Variants in ARHGAP31 observed in about 807,000 individuals in gnomAD.
ARHGAP31 encodes rho GTPase-activating protein 31.
In ARHGAP31, 34 loss-of-function variants were observed where a neutral mutation model predicts 113.9. That is an observed-to-expected ratio of 0.30 (90% CI 0.23 to 0.40). ARHGAP31 has a LOEUF of 0.40. Among genes scored for constraint, ARHGAP31 ranks in the 10% least tolerant of loss-of-function variants. The pLI is 1.00. For synonymous variants in ARHGAP31, 650 were observed against 684.8 expected (o/e 0.95, Z 0.79); for missense variants, 1,548 against 1,767.1 (o/e 0.88, Z 2.22).
chr3:119,409,677 G>C lies in ARHGAP31; in HGVS notation c.1827G>C (p.Glu609Asp), dbSNP rs752838958. ...LNELEKRPNP[E>D]KVVEEGREAG... The stretch of plus-strand genomic sequence containing the variant: ...AATTAGAGAAGAGGCCAAATCCGGA[G>C]AAGGTGGTGGAGGAGGGACGAGAGG... Residue 609 changes from glutamate to aspartate, a missense_variant, in exon 11 of 12, where the codon GAG becomes GAC. By Grantham distance (45) the Glu-to-Asp change is conservative. Coordinates refer to ENST00000264245, the MANE Select transcript of ARHGAP31 (RefSeq NM_020754.4). 6 of 1,611,646 alleles carry C rather than the reference G, an allele frequency of 3.7e-6. No homozygotes were observed. The highest frequency in any genetic ancestry group is 3.3e-5 in the South Asian group (3 of 90,646).
chr3:119,354,612 A>G (rs1432343380), intron 1 of ARHGAP31, among the ~76,000 whole-genome samples: 9 of 151,240 alleles, frequency 6.0e-5, no homozygotes, highest in African/African-American at 1.9e-4. Flanking sequence ...CCTGGGTTCA[A>G]GTGATTCTCC....
At chr3:119,383,343 G>A (rs533027977) in intron 6 of ARHGAP31, 117 bp downstream of exon 6, 693 of 1,299,870 alleles carry the variant, frequency 5.3e-4, no homozygotes, top group Non-Finnish European at 6.7e-4. Flanking sequence ...TTGGCTGTGT[G>A]TATGCTGACT....
Position 119,415,476 on chromosome 3 carries a change from G to C in ARHGAP31, c.3547G>C (p.Val1183Leu). Residue 1183 changes from valine (V) to leucine (L), a missense_variant, in exon 12 of 12, where the codon GTG becomes CTG. Physicochemically the swap from Val to Leu is conservative, Grantham distance 32. Transcript: ENST00000264245. The part of the protein sequence containing the change: ...TGRRNSAPVS[V>L]SAVRTSFMVK... ...CCGCCGTAACTCAGCTCCTGTGAGT[G>C]TGTCAGCTGTGAGAACCTCCTTCAT... 1 of 1,614,096 alleles carries C rather than the reference G, an allele frequency of 6.2e-7. No homozygotes were observed.
chr3:119,395,603 T>G (rs903038652), intron 8 of ARHGAP31, among the ~76,000 whole-genome samples: 8 of 152,158 alleles, frequency 5.3e-5, no homozygotes, highest in African/African-American at 9.7e-5. Flanking sequence ...CAGGGACCCT[T>G]CTTTTCCAGA....
chr3:119,333,716 G>A (rs1241327378), intron 1 of ARHGAP31, among the ~76,000 whole-genome samples: 3 of 152,168 alleles, frequency 2.0e-5, no homozygotes, highest in Non-Finnish European at 4.4e-5. Flanking sequence ...GGAAGAGGCA[G>A]AACAGAAGCA....
chr3:119,378,333 G>T (rs1055345786), intron 3 of ARHGAP31, among the ~76,000 whole-genome samples: 1 of 152,108 alleles, frequency 6.6e-6, no homozygotes, highest in African/African-American at 2.4e-5. Context: ...AATTTAGAAA[G>T]CTTCTGGAGA....
intron 6 of ARHGAP31, among the ~76,000 whole-genome samples, chr3:119,384,105 T>A (rs1308674261): frequency 6.6e-6 from 1 of 152,226 alleles, no homozygotes; most frequent in Non-Finnish European, 1.5e-5. Flanking sequence ...AATATATTTT[T>A]TAGCTGATCA....
intron 6 of ARHGAP31, among the ~76,000 whole-genome samples, chr3:119,388,413 T>G (rs186176383): frequency 6.6e-6 from 1 of 151,784 alleles, no homozygotes; most frequent in East Asian, 1.9e-4. Context: ...AATATCCTTT[T>G]AGGTCATGCG....
intron 1 of ARHGAP31, among the ~76,000 whole-genome samples, chr3:119,346,550 C>T (rs2080058586): frequency 6.6e-6 from 1 of 152,208 alleles, no homozygotes; most frequent in Admixed American, 6.5e-5. Context: ...TGGGCAGTGT[C>T]TTATAAGTAT....
intron 9 of ARHGAP31, among the ~76,000 whole-genome samples, chr3:119,401,493 C>T (rs1340474747): frequency 6.6e-6 from 1 of 152,176 alleles, no homozygotes; most frequent in African/African-American, 2.4e-5. Flanking sequence ...TCATGGTCTA[C>T]ATTTAATGCC....
rs188590936 is a variant in ARHGAP31 at position 119,406,506 on chromosome 3, T to C, written c.1646-2990T>C. Among the ~76,000 whole-genome samples the C allele has an allele frequency of 7.2e-5, 11 of 152,336 alleles. No homozygotes were observed. In the East Asian group the frequency reaches 1.9e-3, roughly 27 times the overall value. On this transcript the variant is annotated intron_variant, in intron 10 of 11. Coordinates refer to ENST00000264245, the MANE Select transcript of ARHGAP31 (RefSeq NM_020754.4). ...TGGAAACAACCCAAATGCCCCGCTT[T>C]AGGGGTCTGGTTGAATAACTAGGGT...
chr3:119,328,949 A>G (rs755242089), intron 1 of ARHGAP31, among the ~76,000 whole-genome samples: 11 of 152,254 alleles, frequency 7.2e-5, no homozygotes, highest in South Asian at 2.1e-4. Flanking sequence ...ATGTAAGTAA[A>G]TATGTGGCAT....
chr3:119,397,135 A>G lies in ARHGAP31; in HGVS notation c.1007-2064A>G, dbSNP rs369576941. The stretch of plus-strand genomic sequence containing the variant: ...AAGGTCCCAGACAGAAACATGTAAT[A>G]TAAATATAGTCATAGGCCACAGGAG... On this transcript the variant is annotated intron_variant, in intron 8 of 11. Coordinates refer to ENST00000264245, the MANE Select transcript of ARHGAP31 (RefSeq NM_020754.4). Among the ~76,000 whole-genome samples, 47 of 152,354 alleles carry G rather than the reference A, an allele frequency of 3.1e-4. 1 individual carries two copies. The highest frequency in any genetic ancestry group is 1.1e-3 in the African/African-American group (47 of 41,584).
At chr3:119,325,644 G>T (rs1313745536) in intron 1 of ARHGAP31, among the ~76,000 whole-genome samples, 4 of 151,844 alleles carry the variant, frequency 2.6e-5, no homozygotes, top group African/African-American at 4.8e-5. Context: ...CCACCTGGTG[G>T]GGATGGCGGG....
intron 1 of ARHGAP31, among the ~76,000 whole-genome samples, chr3:119,323,921 C>G (rs7646935): frequency 0.032 from 4,830 of 152,292 alleles, 203 homozygotes; most frequent in African/African-American, 0.082. Flanking sequence ...CTGTCCTCCC[C>G]CTTCCCCTTT....
chr3:119,412,506 G>GCTACAT (rs2080725407), intron 11 of ARHGAP31, among the ~76,000 whole-genome samples: 4 of 152,166 alleles, frequency 2.6e-5, no homozygotes, highest in Admixed American at 6.5e-5. Flanking sequence ...GGGAAAGGGA[G>GCTACAT]GAGTCTAGAA....
chr3:119,413,547 G>T (rs1303788684), intron 11 of ARHGAP31, among the ~76,000 whole-genome samples: 5 of 152,156 alleles, frequency 3.3e-5, no homozygotes, highest in African/African-American at 4.8e-5. Flanking sequence ...TTCAATCCTG[G>T]TGTGCTGCTG....
intron 1 of ARHGAP31, among the ~76,000 whole-genome samples, chr3:119,337,447 G>A (rs1022448855): frequency 1.3e-5 from 2 of 152,186 alleles, no homozygotes; most frequent in East Asian, 1.9e-4. Context: ...CCCAAAGAGT[G>A]ACCAGCACCA....
intron 1 of ARHGAP31, among the ~76,000 whole-genome samples, chr3:119,305,311 G>T (rs1236985702): frequency 6.6e-6 from 1 of 152,152 alleles, no homozygotes; most frequent in African/African-American, 2.4e-5. Flanking sequence ...AAAACTTCTG[G>T]CAATTGAGTT....
Sources: gnomAD v4.1 joint callset for allele counts (sites outside exome capture counted in the v4.1 genomes callset) on GRCh38, gnomAD v4.1.1 for gene constraint, MANE v1.5 for transcripts, NCBI Gene and HGNC (gene_info 2026-07-23, HGNC 2026-07-21) for gene names.